Variants in HEATR5A observed in about 807,000 individuals in gnomAD.
HEATR5A encodes HEAT repeat-containing protein 5A.
In HEATR5A, 178 loss-of-function variants were observed where a neutral mutation model predicts 218.8. That is an observed-to-expected ratio of 0.81 (90% CI 0.72 to 0.92). HEATR5A has a LOEUF of 0.92. Among genes scored for constraint, HEATR5A ranks in the 40% least tolerant of loss-of-function variants. The probability of loss-of-function intolerance (pLI) is 0.00; values close to 1 mark genes in which losing one functional copy is unlikely to be tolerated. For synonymous variants in HEATR5A, 864 were observed against 871.6 expected, an observed-to-expected ratio of 0.99 and a Z score of 0.15; for missense variants, 2,420 against 2,418.9, an observed-to-expected ratio of 1.00 and a Z score of -0.01.
At chr14:31,325,368 CATTATTGT>C (rs1900230547) in intron 23 of HEATR5A, among the ~76,000 whole-genome samples, 1 of 151,800 alleles carries the variant, frequency 6.6e-6, no homozygotes, top group Admixed American at 6.6e-5. Flanking sequence ...TTGAAATTAA[CATTATTGT>C]ATGTAGTGAA....
chr14:31,326,792 G>A (rs369642628), intron 22 of HEATR5A, among the ~76,000 whole-genome samples: 7 of 151,782 alleles, frequency 4.6e-5, no homozygotes, highest in South Asian at 4.2e-4. Flanking sequence ...ACAGGCACCC[G>A]CCACCACGCC....
At position 31,291,855 on chromosome 14, in the gene HEATR5A, T is replaced by A. The variant is rs1363737909; in HGVS notation, c.*1450A>T. On this transcript the variant is annotated 3_prime_UTR_variant, in exon 36 of 36. Coordinates refer to ENST00000543095, the MANE Select transcript of HEATR5A (RefSeq NM_015473.4). The stretch of plus-strand genomic sequence containing the variant: ...GATTGTAGTGTTAGAGTTTGTCAAA[T>A]GTTTTCACTCTGAACAATTTACAAT... 6.6e-6 allele frequency: 1 copy of A among 152,254 alleles called. No homozygotes were observed. Among genetic ancestry groups the A allele is most frequent in the Non-Finnish European group, 1.5e-5 (1 of 68,040 alleles). The allele number at this position is 152,254 out of a possible 1,614,324, so 9.4% of individuals were successfully genotyped here.
intron 9 of HEATR5A, among the ~76,000 whole-genome samples, chr14:31,384,929 A>G (rs1488740190): frequency 2.0e-5 from 3 of 152,184 alleles, no homozygotes; most frequent in Non-Finnish European, 4.4e-5. Context: ...CCAACTAACT[A>G]CAAAGACAGT....
At position 31,321,566 on chromosome 14, in the gene HEATR5A, C is replaced by T. The variant is rs1368945824; in HGVS notation, c.3902G>A (p.Arg1301Gln). The T allele has an allele frequency of 1.2e-6, 2 of 1,606,774 alleles. No individual in the cohort carries two copies. Among genetic ancestry groups the T allele is most frequent in the Admixed American group, 1.7e-5 (1 of 59,054 alleles). Residue 1301 changes from arginine to glutamine, a missense_variant, in exon 25 of 36, where the codon CGG becomes CAG. Transcript: ENST00000543095. Reference sequence around the variant, plus strand: ...TGGTTCTGGAACAGTTGCAAATCGCCGAATAACAACTAACAGCATTTCAAG... The same window carrying T: ...TGGTTCTGGAACAGTTGCAAATCGCTGAATAACAACTAACAGCATTTCAAG... ...SGLEMLLVVI[R>Q]RFATVPEPEF...
chr14:31,362,903 A>G (rs1349076158), intron 14 of HEATR5A, among the ~76,000 whole-genome samples: 3 of 152,132 alleles, frequency 2.0e-5, no homozygotes, highest in East Asian at 3.8e-4. Context: ...AGCTGGGCAC[A>G]GTGGCTTATG....
chr14:31,331,116 T>G lies in HEATR5A; in HGVS notation c.3368-4774A>C, dbSNP rs924129097. Among the ~76,000 whole-genome samples, 9 of 151,806 alleles carry G rather than the reference T, an allele frequency of 5.9e-5. No homozygotes were observed. The South Asian group carries it at 6.2e-4, about 11-fold the overall frequency. On this transcript the variant is annotated intron_variant, in intron 22 of 35. Coordinates refer to ENST00000543095, the MANE Select transcript of HEATR5A (RefSeq NM_015473.4). ...CCACCACGCATGGCTAAGTTTTGTATTTTTAGTAGAGATGGGTTTTCATCA... is the reference window on the plus strand; with the variant it reads ...CCACCACGCATGGCTAAGTTTTGTAGTTTTAGTAGAGATGGGTTTTCATCA...
Position 31,347,775 on chromosome 14 carries a change from C to T in HEATR5A, c.2841G>A (p.Ala947=), listed in dbSNP as rs539253469. The change falls in exon 19 of 36, where the codon GCG becomes GCA. Residue 947 remains alanine, a synonymous_variant. Coordinates refer to ENST00000543095, the MANE Select transcript of HEATR5A (RefSeq NM_015473.4). ...GCACATCAGGAGAAGTGCTGTCCTGCGCCAAAGTATAAAGGATTCCAATAC... is the reference window on the plus strand; with the variant it reads ...GCACATCAGGAGAAGTGCTGTCCTGTGCCAAAGTATAAAGGATTCCAATAC... ...NSCIGILYTL[A]QDSTSPDVQT... 1.1e-5 allele frequency: 17 copies of T among 1,608,060 alleles called. No homozygotes were observed. Among genetic ancestry groups the T allele is most frequent in the Middle Eastern group, 1.7e-4 (1 of 6,028 alleles).
chr14:31,345,966 T>C (rs1326212645), intron 19 of HEATR5A, among the ~76,000 whole-genome samples: 1 of 152,196 alleles, frequency 6.6e-6, no homozygotes, highest in Non-Finnish European at 1.5e-5. Flanking sequence ...CATATACTGA[T>C]AACCACTGAA....
intron 6 of HEATR5A, among the ~76,000 whole-genome samples, chr14:31,392,096 G>C (rs2030476518): frequency 6.6e-6 from 1 of 152,164 alleles, no homozygotes; most frequent in African/African-American, 2.4e-5. Context: ...CCCTTGATAT[G>C]AGTTTGTCTG....
intron 33 of HEATR5A, among the ~76,000 whole-genome samples, chr14:31,299,085 A>C (rs2139125355): frequency 6.6e-6 from 1 of 152,248 alleles, no homozygotes; most frequent in Non-Finnish European, 1.5e-5. Context: ...CAGAAACTCA[A>C]GCTGGGTGAT....
intron 33 of HEATR5A, among the ~76,000 whole-genome samples, chr14:31,300,697 TCAGA>T (rs772532190): frequency 2.6e-5 from 4 of 152,206 alleles, no homozygotes; most frequent in Non-Finnish European, 5.9e-5. Context: ...CCAGAGCTCC[TCAGA>T]CAGATTTACT....
intron 29 of HEATR5A, 59 bp downstream of exon 29, chr14:31,308,874 CA>C (rs201340473): frequency 0.031 from 35,409 of 1,145,958 alleles, no homozygotes; most frequent in South Asian, 0.048. Flanking sequence ...AACTCCATCT[CA>C]AAAAAAAAAA....
rs562827256 is a variant in HEATR5A, at chr14:31,366,975, T to C, written c.1962-2677A>G. On this transcript the variant is annotated intron_variant, in intron 13 of 35. Coordinates refer to ENST00000543095, the MANE Select transcript of HEATR5A (RefSeq NM_015473.4). The stretch of plus-strand genomic sequence containing the variant: ...CAAACACCATCCTATCAGTAAAACA[T>C]GAAAAGCATTCCCTTTAACCCTATT... Among the ~76,000 whole-genome samples the C allele has an allele frequency of 1.4e-4, 21 of 152,280 alleles. No individual in the cohort carries two copies. The South Asian group carries it at 4.1e-3, about 30-fold the overall frequency.
intron 33 of HEATR5A, among the ~76,000 whole-genome samples, chr14:31,299,975 G>A (rs1206516704): frequency 6.6e-6 from 1 of 152,034 alleles, no homozygotes; most frequent in Non-Finnish European, 1.5e-5. Flanking sequence ...GGCAGAAGTT[G>A]CAGTGAGCCG....
In HEATR5A at chr14:31,394,138, C is replaced by G; in HGVS notation, c.686G>C (p.Gly229Ala). The G allele has an allele frequency of 6.5e-7, 1 of 1,534,730 alleles. No individual in the cohort carries two copies. Among genetic ancestry groups the G allele is most frequent in the East Asian group, 2.4e-5 (1 of 40,868 alleles). The change falls in exon 6 of 36, where the codon GGT becomes GCT. Residue 229 changes from glycine to alanine, a missense_variant. Coordinates refer to ENST00000543095, the MANE Select transcript of HEATR5A (RefSeq NM_015473.4). ...VATLCFKSFE[G>A]SNYDVRISVS... ...AGAAATCCGCACATCATAATTGGAA[C>G]CTTCAAAGGACTTAAAACACAGTGT...
At chr14:31,313,271 G>A (rs1595086571) in intron 27 of HEATR5A, 81 bp from the exon 28 acceptor site, 1 of 1,036,212 alleles carries the variant, frequency 9.7e-7, no homozygotes, top group Non-Finnish European at 1.5e-6. Flanking sequence ...TTCCTGAAGA[G>A]GCAGACTTAC....
At chr14:31,368,206 A>G (rs1901876852) in intron 13 of HEATR5A, among the ~76,000 whole-genome samples, 1 of 151,994 alleles carries the variant, frequency 6.6e-6, no homozygotes, top group Non-Finnish European at 1.5e-5. Context: ...TTGCCAGATG[A>G]AGAAGGCACA....
chr14:31,388,771 T>A (rs2030334115), intron 7 of HEATR5A, 74 bp downstream of exon 7: 2 of 1,190,722 alleles, frequency 1.7e-6, no homozygotes, highest in Non-Finnish European at 2.5e-6. Flanking sequence ...GTACCACTTC[T>A]GTGGAGTCAG....
chr14:31,362,580 C>G (rs1901655227), intron 14 of HEATR5A, among the ~76,000 whole-genome samples: 1 of 114,444 alleles, frequency 8.7e-6, no homozygotes, highest in Admixed American at 1.2e-4. Flanking sequence ...CTGGGCAGCA[C>G]AGCAAGACCT....
Sources: allele counts gnomAD v4.1 joint callset (sites outside exome capture counted in the v4.1 genomes callset), GRCh38; gene constraint gnomAD v4.1.1; transcripts MANE v1.5; gene names NCBI Gene and HGNC (gene_info 2026-07-23, HGNC 2026-07-21).